TELO2: variants seen among roughly 807,000 people sequenced by gnomAD.
TELO2 encodes the protein telomere maintenance 2.
Under a neutral mutation model 91.0 loss-of-function variants are expected in TELO2, and 71 were observed. That is an observed-to-expected ratio of 0.78 (90% confidence interval 0.64 to 0.95). TELO2 has a LOEUF of 0.95. Among genes scored for constraint, TELO2 ranks in the 40% least tolerant of loss-of-function variants. The pLI is 0.00. For missense variants in TELO2, 1,183 were observed against 1,141.3 expected (o/e 1.04, Z -0.53); for synonymous variants, 584 against 518.9 (o/e 1.13, Z -1.71).
rs200185348 is a variant in TELO2 at position 1,499,332 on chromosome 16, C to T, written c.932C>T (p.Thr311Met). 1.3e-5 allele frequency: 21 copies of T among 1,595,028 alleles called. No homozygotes were observed. The highest frequency in any genetic ancestry group is 8.5e-5 in the Admixed American group (5 of 58,642). The change falls in exon 6 of 21, where the codon ACG (threonine) becomes ATG (methionine). Residue 311 changes from threonine to methionine, a missense_variant and splice_region_variant. Coordinates refer to ENST00000262319, the MANE Select transcript of TELO2 (RefSeq NM_016111.4). ...QKLLFLQSRLTTPMLQSLLGH... is the reference protein window; with the variant it reads ...QKLLFLQSRLMTPMLQSLLGH... ...CTTCTGTTCTTACAGTCCCGGCTCA[C>T]GGTGAGGACGCCACGGAGGGTGCAG... is the stretch of plus-strand genomic sequence containing the variant.
chr16:1,497,130 C>T lies in TELO2; in HGVS notation c.682+26C>T, dbSNP rs777032415. 5 of 1,613,072 alleles carry T rather than the reference C, an allele frequency of 3.1e-6. No individual in the cohort carries two copies. The highest frequency in any genetic ancestry group is 4.2e-6 in the Non-Finnish European group (5 of 1,179,398). On this transcript the variant is annotated intron_variant, in intron 4 of 20. Transcript: ENST00000262319. The surrounding 1 kb of genome is among the most constrained non-coding windows in gnomAD (Gnocchi z 4.0). ...GTGAGTAGAGCAGTGCCTTCCTGCC[C>T]ATCCTGCCCCGACCCTCACAGCCCA... is the stretch of plus-strand genomic sequence containing the variant.
chr16:1,499,792 C>G (rs989206209), intron 6 of TELO2, among the ~76,000 whole-genome samples: 3 of 152,258 alleles, frequency 2.0e-5, no homozygotes, highest in Admixed American at 6.5e-5. Context: ...TTTGCTCACA[C>G]GAGAACTTAA....
At chr16:1,506,161 G>A in intron 16 of TELO2, 77 bp from the exon 17 acceptor site, 2 of 1,514,452 alleles carry the variant, frequency 1.3e-6, no homozygotes, top group South Asian at 1.1e-5. Flanking sequence ...CTGCTTTGTG[G>A]GATCCTCTCG....
rs887811016 is a variant in TELO2, at chr16:1,510,243, C to T, written c.*307C>T. On this transcript the variant is annotated 3_prime_UTR_variant, in exon 21 of 21. Transcript: ENST00000262319. ...GAACCAGGCTGGCAGGAGGGGAGGACGGTGTACCTGCTGCTCAGAGCCCCC... is the reference window on the plus strand; with the variant it reads ...GAACCAGGCTGGCAGGAGGGGAGGATGGTGTACCTGCTGCTCAGAGCCCCC... 4.4e-5 allele frequency: 18 copies of T among 405,782 alleles called. No homozygotes were observed. The highest frequency in any genetic ancestry group is 1.0e-4 in the African/African-American group (5 of 48,730). 25.1% of individuals were successfully genotyped at this position (405,782 alleles called of 1,614,324 possible).
intron 20 of TELO2, 100 bp downstream of exon 20, chr16:1,507,816 G>GTGTGTA: frequency 4.7e-6 from 3 of 642,242 alleles, no homozygotes; most frequent in South Asian, 2.7e-5. Flanking sequence ...CCCGGGGTGT[G>GTGTGTA]TGTGTGTGTG....
chr16:1,504,541 C>T (rs551898398), intron 15 of TELO2, among the ~76,000 whole-genome samples: 193 of 147,044 alleles, frequency 1.3e-3, no homozygotes, highest in Non-Finnish European at 2.3e-3. Context: ...AACAACTCAC[C>T]GTAACTGGTC....
In TELO2 at chr16:1,497,079, G is replaced by A. The variant is rs569740289; in HGVS notation, c.657G>A (p.Gly219=). The part of the protein sequence containing the change: ...SSVSFVSQVL[G]KACVHGRQQE... ...TGTCCTTCGTGTCTCAGGTCCTTGGGAAAGCCTGTGTCCACGGGAGGCAGC... is the reference window on the plus strand; with the variant it reads ...TGTCCTTCGTGTCTCAGGTCCTTGGAAAAGCCTGTGTCCACGGGAGGCAGC... Residue 219 remains glycine (G), a synonymous_variant, in exon 4 of 21, where the codon GGG becomes GGA. Transcript: ENST00000262319. This position sits in a 1 kb window ranked among gnomAD's most constrained non-coding sequence, Gnocchi z 4.0. 6.2e-7 allele frequency: 1 copy of A among 1,614,082 alleles called. No homozygotes were observed. Among genetic ancestry groups the A allele is most frequent in the South Asian group, 1.1e-5 (1 of 91,084 alleles).
In TELO2 at chr16:1,506,976, G is replaced by T. The variant is rs759020362; in HGVS notation, c.2151G>T (p.Leu717Phe). 1 of 1,611,680 alleles carries T rather than the reference G, an allele frequency of 6.2e-7. No individual in the cohort carries two copies. Among genetic ancestry groups the T allele is most frequent in the East Asian group, 2.2e-5 (1 of 44,848 alleles). ...GGCCTCTGGTGACCTTCGACCTCTT[G>T]GGAGAAGACCAGCTGGTTCTCGGAA... is the stretch of plus-strand genomic sequence containing the variant. ...FDRPLVTFDL[L>F]GEDQLVLGRL... The change falls in exon 18 of 21, where the codon TTG (leucine) becomes TTT (phenylalanine). Residue 717 changes from leucine to phenylalanine, a missense_variant. Physicochemically the swap from Leu to Phe is conservative, Grantham distance 22 (BLOSUM62 0). Coordinates refer to ENST00000262319, the MANE Select transcript of TELO2 (RefSeq NM_016111.4).
In TELO2 at chr16:1,494,312, GCCGT is replaced by G; in HGVS notation, c.35_38del (p.Val12GlyfsTer23). ...GCCAGCACCCTCAGAGGTTCGACTC[GCCGT>G]CCGGGAAGCCATTCATGCCCTCTCG... On this transcript the variant is annotated frameshift_variant, in exon 2 of 21. Transcript: ENST00000262319. LOFTEE classifies it high-confidence loss of function. This position sits in a 1 kb window ranked among gnomAD's most constrained non-coding sequence, Gnocchi z 5.6. The G allele has an allele frequency of 6.2e-7, 1 of 1,613,334 alleles. No individual in the cohort carries two copies. The highest frequency in any genetic ancestry group is 8.5e-7 in the Non-Finnish European group (1 of 1,179,916).
intron 7 of TELO2, 84 bp downstream of exon 7, chr16:1,500,248 C>T (rs2039628872): frequency 6.5e-7 from 1 of 1,530,178 alleles, no homozygotes; most frequent in African/African-American, 1.4e-5. Context: ...CAGGGTGAGG[C>T]TGGCTGGGCT....
At position 1,494,616 on chromosome 16, in the gene TELO2, G is replaced by C; in HGVS notation, c.335G>C (p.Gly112Ala). 1 of 1,610,876 alleles carries C rather than the reference G, an allele frequency of 6.2e-7. No homozygotes were observed. Among genetic ancestry groups the C allele is most frequent in the Non-Finnish European group, 8.5e-7 (1 of 1,178,360 alleles). Reference sequence around the variant, plus strand: ...ATGGAGACCATCGAGGGTGCTGCGGGGTGAGTGGGCTGGGCCCATCCTGGG... The same window carrying C: ...ATGGAGACCATCGAGGGTGCTGCGGCGTGAGTGGGCTGGGCCCATCCTGGG... Reference protein sequence around the residue: ...VLMETIEGAAGPSFRLMKMAR... With the variant: ...VLMETIEGAAAPSFRLMKMAR... The change falls in exon 2 of 21, where the codon GGC becomes GCC. Residue 112 changes from glycine (G) to alanine (A), a missense_variant and splice_region_variant. Coordinates refer to ENST00000262319, the MANE Select transcript of TELO2 (RefSeq NM_016111.4). This position sits in a 1 kb window ranked among gnomAD's most constrained non-coding sequence, Gnocchi z 5.6.
rs2039850883 is a variant in TELO2, at chr16:1,505,346, T to G, written c.1843-64T>G. The G allele has an allele frequency of 6.5e-7, 1 of 1,546,124 alleles. No homozygotes were observed. Among genetic ancestry groups the G allele is most frequent in the Non-Finnish European group, 8.8e-7 (1 of 1,142,518 alleles). On this transcript the variant is annotated intron_variant, in intron 15 of 20. Coordinates refer to ENST00000262319, the MANE Select transcript of TELO2 (RefSeq NM_016111.4). The surrounding 1 kb of genome is among the most constrained non-coding windows in gnomAD (Gnocchi z 4.3). Reference sequence around the variant, plus strand: ...GCCCGTTTCTGGGGCTTTGGCTGACTTGACTCTTGGGAAATGTTCTTCCCT... The same window carrying G: ...GCCCGTTTCTGGGGCTTTGGCTGACGTGACTCTTGGGAAATGTTCTTCCCT...
At chr16:1,508,766 G>A (rs1402075969) in intron 20 of TELO2, among the ~76,000 whole-genome samples, 1 of 152,122 alleles carries the variant, frequency 6.6e-6, no homozygotes. Context: ...CCCCGGGGAC[G>A]GGCTGAAGAG....
chr16:1,506,602 C>T (rs1385217581), intron 17 of TELO2: 6 of 1,393,338 alleles, frequency 4.3e-6, no homozygotes, highest in Non-Finnish European at 4.7e-6. Context: ...GACGCCATCA[C>T]CTGCTGGGCC....
At chr16:1,507,212 C>A in intron 18 of TELO2, 94 bp from the exon 19 acceptor site, 1 of 1,533,258 alleles carries the variant, frequency 6.5e-7, no homozygotes, top group South Asian at 1.1e-5. Flanking sequence ...CAGGCCCTGT[C>A]CCTGCTGCTG....
In TELO2 at chr16:1,505,753, T is replaced by TG; in HGVS notation, c.2034+154dup. 3 of 1,102,238 alleles carry TG rather than the reference T, an allele frequency of 2.7e-6. No homozygotes were observed. The highest frequency in any genetic ancestry group is 3.8e-6 in the Non-Finnish European group (3 of 791,492). 68.3% of individuals were successfully genotyped at this position (1,102,238 alleles called of 1,614,324 possible). On this transcript the variant is annotated intron_variant, in intron 16 of 20. Transcript: ENST00000262319. This position sits in a 1 kb window ranked among gnomAD's most constrained non-coding sequence, Gnocchi z 4.3. ...CGGGATTCCTGAAAGGCAGGGTCCATGGTTTGCACCGAGGAACTGGATTTT... is the reference window on the plus strand; with the variant it reads ...CGGGATTCCTGAAAGGCAGGGTCCATGGGTTTGCACCGAGGAACTGGATTTT...
At chr16:1,495,291 A>G in intron 2 of TELO2, 55 bp from the exon 3 acceptor site, 1 of 1,490,020 alleles carries the variant, frequency 6.7e-7, no homozygotes, top group South Asian at 1.3e-5. Context: ...TGTGGCAGGA[A>G]GGGGGCCCCG....
intron 19 of TELO2, 46 bp from the exon 20 acceptor site, chr16:1,507,555 G>A (rs766197424): frequency 1.2e-5 from 19 of 1,533,746 alleles, no homozygotes; most frequent in Non-Finnish European, 1.7e-5. Context: ...TGGGAGGTCT[G>A]GGGTGTGGTC....
intron 5 of TELO2, among the ~76,000 whole-genome samples, chr16:1,498,079 C>G (rs1314539727): frequency 6.6e-6 from 1 of 150,998 alleles, no homozygotes; most frequent in African/African-American, 2.4e-5. Context: ...TGCAACGGTG[C>G]AATCGGCTCA....
Sources: gnomAD v4.1 joint callset for allele counts (sites outside exome capture counted in the v4.1 genomes callset) on GRCh38, gnomAD v4.1.1 for gene constraint, Gnocchi (gnomAD v3.1) non-coding constraint, MANE v1.5 for transcripts, NCBI Gene and HGNC (gene_info 2026-07-23, HGNC 2026-07-21) for gene names.